The following TCL1A variants were observed in gnomAD, a reference collection of about 807,000 sequenced individuals.
TCL1A encodes TCL1 family AKT coactivator A.
In TCL1A, 9 loss-of-function variants were observed where a neutral mutation model predicts 16.9. The observed-to-expected ratio is 0.53, with a 90% CI of 0.32 to 0.93. The LOEUF is 0.93. Ranked by LOEUF, TCL1A falls within the 40% of genes least tolerant of loss-of-function variation. TCL1A has a pLI of 0.04. For synonymous variants in TCL1A, 69 were observed against 63.2 expected (o/e 1.09, Z -0.44); for missense variants, 139 against 153.0 (o/e 0.91, Z 0.48).
chr14:95,712,502 C>A, intron 1 of TCL1A, 106 bp from the exon 2 acceptor site: 1 of 1,512,798 alleles, frequency 6.6e-7, no homozygotes, highest in Non-Finnish European at 8.8e-7. Flanking sequence ...CCCATCTGGG[C>A]AGGGGTCCGA....
intron 1 of TCL1A, 118 bp downstream of exon 1, chr14:95,713,829 G>A (rs1886476652): frequency 1.4e-6 from 2 of 1,480,274 alleles, no homozygotes; most frequent in Non-Finnish European, 9.1e-7. Context: ...GGCTTCATCT[G>A]TGGGGATCCT....
At chr14:95,713,274 T>C (rs1886425767) in intron 1 of TCL1A, among the ~76,000 whole-genome samples, 1 of 152,372 alleles carries the variant, frequency 6.6e-6, no homozygotes, top group Non-Finnish European at 1.5e-5. Context: ...TTATGCTTTC[T>C]TCAGTGTATG....
Position 95,710,595 on chromosome 14 carries a change from A to G in TCL1A, c.*293T>C, listed in dbSNP as rs1242259062. The G allele has an allele frequency of 6.6e-6, 1 of 152,582 alleles. No homozygotes were observed. Among genetic ancestry groups the G allele is most frequent in the Admixed American group, 6.5e-5 (1 of 15,290 alleles). 9.5% of individuals were successfully genotyped at this position (152,582 alleles called of 1,614,324 possible). A position where few individuals can be genotyped will look rare whatever the true frequency, so the allele number is the denominator to read the frequency against. On this transcript the variant is annotated 3_prime_UTR_variant, in exon 4 of 4. Transcript: ENST00000402399. ...AGAAAGAGGCTGAAGACCATCATCC[A>G]GCTGAGAAAAGCCGAGGCACAGGTA...
chr14:95,713,755 G>A (rs184468562), intron 1 of TCL1A, among the ~76,000 whole-genome samples, 192 bp downstream of exon 1: 3 of 152,240 alleles, frequency 2.0e-5, no homozygotes, highest in East Asian at 1.9e-4. Context: ...TTCCTTTGCG[G>A]TTTTCCCACC....
At chr14:95,713,766 C>G (rs546471182) in intron 1 of TCL1A, among the ~76,000 whole-genome samples, 181 bp downstream of exon 1, 1 of 152,322 alleles carries the variant, frequency 6.6e-6, no homozygotes, top group Admixed American at 6.5e-5. Context: ...TTTTCCCACC[C>G]TTCTTCCCTG....
At chr14:95,712,729 G>A (rs777445807) in intron 1 of TCL1A, 209 of 1,310,290 alleles carry the variant, frequency 1.6e-4, no homozygotes, top group Admixed American at 9.5e-4. Flanking sequence ...ATCGCTTGAG[G>A]CCAGGAGTTT....
intron 1 of TCL1A, among the ~76,000 whole-genome samples, chr14:95,713,379 A>C (rs1886431187): frequency 6.6e-6 from 1 of 152,356 alleles, no homozygotes; most frequent in East Asian, 1.9e-4. Context: ...AAAACTTAAC[A>C]TGGATTAAGG....
intron 1 of TCL1A, 73 bp downstream of exon 1, chr14:95,713,874 C>A (rs1886480408): frequency 6.3e-7 from 1 of 1,590,162 alleles, no homozygotes; most frequent in African/African-American, 1.3e-5. Context: ...TGAGTCCTCG[C>A]CCTTCCTAGG....
intron 1 of TCL1A, among the ~76,000 whole-genome samples, 167 bp downstream of exon 1, chr14:95,713,780 G>C (rs187611233): frequency 6.6e-6 from 1 of 152,276 alleles, no homozygotes; most frequent in Admixed American, 6.5e-5. Flanking sequence ...TTCCCTGCCT[G>C]GAGAACTCCT....
At chr14:95,710,993 G>C (rs1886332760) in intron 3 of TCL1A, 112 bp from the exon 4 acceptor site, 1 of 152,236 alleles carries the variant, frequency 6.6e-6, no homozygotes, top group African/African-American at 2.4e-5. Context: ...GTCAGGGATG[G>C]CCCCCAGAGG....
Position 95,714,033 on chromosome 14 carries a change from T to A in TCL1A, c.34A>T (p.Thr12Ser). Residue 12 changes from threonine (T) to serine (S), a missense_variant, in exon 1 of 4, where the codon ACC (threonine) becomes TCC (serine). Physicochemically the swap from Thr to Ser is moderately conservative, Grantham distance 58. Around this residue, in one of 2 missense-constraint regions of TCL1A, gnomAD observed 94 missense variants for 80.2 expected, o/e 1.17. Coordinates refer to ENST00000402399, the MANE Select transcript of TCL1A (RefSeq NM_021966.3). ...GCCCACAGGCGGTCCGGGTGGTCGG[T>A]GACTGCCTCCCCGAGTGTCGGGCAC... Reference protein sequence around the residue: ...AECPTLGEAVTDHPDRLWAWE... With the variant: ...AECPTLGEAVSDHPDRLWAWE... The A allele has an allele frequency of 6.2e-7, 1 of 1,614,060 alleles. No individual in the cohort carries two copies. Among genetic ancestry groups the A allele is most frequent in the Non-Finnish European group, 8.5e-7 (1 of 1,180,022 alleles).
rs1477099765 is a variant in TCL1A, at chr14:95,713,935, A to G, written c.120+12T>C. ...CCTGCTGCCTCGCCATCCGCTCCAAAGCTGGCTGTACCTCGATGGTTAAGG... is the reference window on the plus strand; with the variant it reads ...CCTGCTGCCTCGCCATCCGCTCCAAGGCTGGCTGTACCTCGATGGTTAAGG... On this transcript the variant is annotated intron_variant, in intron 1 of 3. Coordinates refer to ENST00000402399, the MANE Select transcript of TCL1A (RefSeq NM_021966.3). 1 of 1,613,068 alleles carries G rather than the reference A, an allele frequency of 6.2e-7. No individual in the cohort carries two copies. The highest frequency in any genetic ancestry group is 2.2e-5 in the East Asian group (1 of 44,858).
chr14:95,713,835 A>T (rs1886477133), intron 1 of TCL1A, 112 bp downstream of exon 1: 1 of 1,494,344 alleles, frequency 6.7e-7, no homozygotes, highest in Non-Finnish European at 9.0e-7. Flanking sequence ...ATCTGTGGGG[A>T]TCCTCCCTGC....
intron 1 of TCL1A, among the ~76,000 whole-genome samples, chr14:95,713,563 T>C (rs894828487): frequency 6.6e-6 from 1 of 152,242 alleles, no homozygotes; most frequent in South Asian, 2.1e-4. Context: ...CTGTTGAGGG[T>C]TCTTTTTAAA....
At chr14:95,712,511 G>A (rs895839262) in intron 1 of TCL1A, 115 bp from the exon 2 acceptor site, 18 of 1,499,270 alleles carry the variant, frequency 1.2e-5, no homozygotes, top group Middle Eastern at 2.3e-4. Flanking sequence ...GCAGGGGTCC[G>A]AGTGTGAAAT....
chr14:95,714,115 G>T lies in TCL1A; in HGVS notation c.-49C>A. The T allele has an allele frequency of 6.2e-7, 1 of 1,603,770 alleles. No homozygotes were observed. The highest frequency in any genetic ancestry group is 1.1e-5 in the South Asian group (1 of 90,604). Reference sequence around the variant, plus strand: ...GCAAGAGCCAGAGCCTCTCAAGGCCGCTCGCTGGTCCCTGGGATGTGGGGC... The same window carrying T: ...GCAAGAGCCAGAGCCTCTCAAGGCCTCTCGCTGGTCCCTGGGATGTGGGGC... On this transcript the variant is annotated 5_prime_UTR_variant, in exon 1 of 4. Coordinates refer to ENST00000402399, the MANE Select transcript of TCL1A (RefSeq NM_021966.3).
intron 1 of TCL1A, chr14:95,712,807 A>C (rs1886399346): frequency 4.5e-6 from 3 of 659,978 alleles, no homozygotes; most frequent in Non-Finnish European, 6.9e-6. Flanking sequence ...CAAAGAAAGA[A>C]AGAGAGAAAA....
chr14:95,713,070 A>G (rs889219647), intron 1 of TCL1A, among the ~76,000 whole-genome samples: 4 of 152,248 alleles, frequency 2.6e-5, no homozygotes, highest in Admixed American at 6.5e-5. Flanking sequence ...TATTTAAAAA[A>G]TTGAAATGCC....
intron 2 of TCL1A, 152 bp downstream of exon 2, chr14:95,712,067 TG>T: frequency 2.9e-6 from 3 of 1,043,046 alleles, no homozygotes; most frequent in Non-Finnish European, 4.3e-6. Context: ...ATCTTCTCTC[TG>T]GTAAAGTCCT....
Sources: allele counts gnomAD v4.1 joint callset (sites outside exome capture counted in the v4.1 genomes callset), GRCh38; gene constraint gnomAD v4.1.1; regional missense constraint gnomAD v4.1.1; transcripts MANE v1.5; gene names NCBI Gene and HGNC (gene_info 2026-07-23, HGNC 2026-07-21).